Variants in SEC14L3 observed in about 807,000 individuals in gnomAD.
SEC14L3 encodes the protein SEC14-like protein 3.
A neutral mutation model predicts 57.4 loss-of-function variants in SEC14L3; 56 were observed. The observed-to-expected ratio is 0.97, with a 90% CI of 0.79 to 1.22. The LOEUF (loss-of-function observed/expected upper bound fraction) is 1.22. SEC14L3 is among the 50% of genes most tolerant of loss of function. The probability of loss-of-function intolerance (pLI) is 0.00; values close to 1 mark genes in which losing one functional copy is unlikely to be tolerated. For missense variants in SEC14L3, 485 were observed against 511.7 expected, an observed-to-expected ratio of 0.95 and a Z score of 0.50; for synonymous variants, 173 against 194.4, an observed-to-expected ratio of 0.89 and a Z score of 0.92.
chr22:30,466,286 C>G (rs1935412655), intron 7 of SEC14L3, 48 bp downstream of exon 7: 1 of 1,526,892 alleles, frequency 6.5e-7, no homozygotes, highest in South Asian at 1.1e-5. Context: ...CCTCAGCGTA[C>G]AGATGAGGAA....
chr22:30,467,311 G>A (rs905044526), intron 5 of SEC14L3, among the ~76,000 whole-genome samples: 11 of 133,030 alleles, frequency 8.3e-5, no homozygotes, highest in Middle Eastern at 3.6e-3. Flanking sequence ...ACCCACCCCC[G>A]TATATATCAA....
chr22:30,455,035 A>G (rs1265257008), downstream of SEC14L3, among the ~76,000 whole-genome samples: 19 of 79,796 alleles, frequency 2.4e-4, no homozygotes, highest in African/African-American at 9.6e-4. Context: ...AATATATTAT[A>G]TTATATAATA....
At chr22:30,471,746 C>G (rs1361481292) in intron 1 of SEC14L3, among the ~76,000 whole-genome samples, 159 bp downstream of exon 1, 1 of 152,246 alleles carries the variant, frequency 6.6e-6, no homozygotes, top group Non-Finnish European at 1.5e-5. Flanking sequence ...GTTGATGTTA[C>G]TGGGCACCGT....
intron 12 of SEC14L3, among the ~76,000 whole-genome samples, chr22:30,450,523 G>A (rs2146080333): frequency 6.6e-6 from 1 of 152,170 alleles, no homozygotes; most frequent in East Asian, 1.9e-4. Flanking sequence ...GGCTAGTCTC[G>A]AACTCCTGAC....
intron 12 of SEC14L3, among the ~76,000 whole-genome samples, chr22:30,451,629 T>C (rs993013245): frequency 2.0e-5 from 3 of 152,038 alleles, no homozygotes; most frequent in Admixed American, 1.3e-4. Context: ...GTTTGCAGGA[T>C]AGCAGATAAG....
chr22:30,465,533 T>C (rs1343332555), intron 7 of SEC14L3, among the ~76,000 whole-genome samples: 1 of 150,966 alleles, frequency 6.6e-6, no homozygotes, highest in Non-Finnish European at 1.5e-5. Context: ...CAGCCAACCA[T>C]CCAAATAACC....
intron 1 of SEC14L3, 63 bp downstream of exon 1, chr22:30,471,842 T>C: frequency 6.2e-7 from 1 of 1,610,038 alleles, no homozygotes; most frequent in Non-Finnish European, 8.5e-7. Context: ...TTCCAGCCAC[T>C]TCTTTCCACC....
At chr22:30,466,956 G>A (rs1935435348) in intron 6 of SEC14L3, 26 bp downstream of exon 6, 6 of 1,599,582 alleles carry the variant, frequency 3.8e-6, no homozygotes, top group Non-Finnish European at 5.1e-6. Flanking sequence ...AAGCAAGCGG[G>A]GGGTGGCCCT....
downstream of SEC14L3, among the ~76,000 whole-genome samples, chr22:30,454,843 A>T (rs1378692724): frequency 3.3e-5 from 2 of 60,596 alleles, no homozygotes; most frequent in Admixed American, 3.1e-4. Context: ...ATAATAATAT[A>T]TAATATATTA....
At chr22:30,457,186 G>A (rs980821848), downstream of SEC14L3, among the ~76,000 whole-genome samples, 3 of 151,992 alleles carry the variant, frequency 2.0e-5, no homozygotes, top group African/African-American at 7.3e-5. Flanking sequence ...AGGATTCCAT[G>A]ACATCATTGG....
At chr22:30,450,883 G>C (rs1457845498) in intron 12 of SEC14L3, among the ~76,000 whole-genome samples, 4 of 152,238 alleles carry the variant, frequency 2.6e-5, no homozygotes, top group Admixed American at 2.0e-4. Context: ...CCAAGGAAAG[G>C]AAGGTCCAGA....
chr22:30,453,759 T>C (rs1366308364), intron 12 of SEC14L3, among the ~76,000 whole-genome samples: 1 of 152,130 alleles, frequency 6.6e-6, no homozygotes, highest in Non-Finnish European at 1.5e-5. Context: ...GGGAAGTTAA[T>C]GGCCGTGGAA....
At chr22:30,471,768 C>A (rs1479711410) in intron 1 of SEC14L3, 137 bp downstream of exon 1, 3 of 1,300,584 alleles carry the variant, frequency 2.3e-6, no homozygotes, top group Non-Finnish European at 3.3e-6. Context: ...GGGCTTGACC[C>A]TTTGGGAGGT....
rs375254496 is a variant in SEC14L3 at position 30,470,277 on chromosome 22, G to A, written c.131-22C>T. 5.0e-5 allele frequency: 80 copies of A among 1,611,046 alleles called. No individual in the cohort carries two copies. The African/African-American group carries it at 1.0e-3, about 20-fold the overall frequency. On this transcript the variant is annotated intron_variant, in intron 2 of 11. Transcript: ENST00000215812. ...CGAGCTGTGGGAAAACAGAAGGAAG[G>A]TGTGAGACAGGAAAGATGCCTTGTC...
downstream of SEC14L3, among the ~76,000 whole-genome samples, chr22:30,454,939 ATATATTATTATATAT>A: frequency 5.7e-5 from 2 of 34,828 alleles, no homozygotes; most frequent in Non-Finnish European, 9.5e-5. Context: ...TAGATATATA[ATATATTATTATATAT>A]CATATAATAG....
intron 1 of SEC14L3, among the ~76,000 whole-genome samples, chr22:30,471,547 G>T (rs181069621): frequency 2.3e-4 from 35 of 152,300 alleles, no homozygotes; most frequent in African/African-American, 8.2e-4. Flanking sequence ...GGGTTAAAGG[G>T]CAGACCAGCA....
downstream of SEC14L3, among the ~76,000 whole-genome samples, chr22:30,456,980 G>T (rs1388786155): frequency 6.6e-6 from 1 of 152,190 alleles, no homozygotes; most frequent in East Asian, 1.9e-4. Flanking sequence ...CCACCTCCTG[G>T]TGCAAGTCCC....
chr22:30,460,810 AAG>A (rs1935229826), intron 11 of SEC14L3, among the ~76,000 whole-genome samples: 1 of 147,642 alleles, frequency 6.8e-6, no homozygotes, highest in Non-Finnish European at 1.5e-5. Context: ...CCTGGACAAC[AAG>A]AGTGAAACTC....
Position 30,459,254 on chromosome 22 carries a change from T to C in SEC14L3, c.*767A>G. On this transcript the variant is annotated 3_prime_UTR_variant, in exon 12 of 12. Coordinates refer to ENST00000215812, the MANE Select transcript of SEC14L3 (RefSeq NM_174975.5). ...TGATAGTTGTTTTCTTTATTATGAT[T>C]ATGCCAGATGTGACTGCCTTTGCTT... 1 of 985,036 alleles carries C rather than the reference T, an allele frequency of 1.0e-6. No individual in the cohort carries two copies. Among genetic ancestry groups the C allele is most frequent in the Non-Finnish European group, 1.2e-6 (1 of 829,584 alleles). The allele number at this position is 985,036 out of a possible 1,614,324, so 61.0% of individuals were successfully genotyped here.
Sources: allele counts gnomAD v4.1 joint callset (sites outside exome capture counted in the v4.1 genomes callset), GRCh38; gene constraint gnomAD v4.1.1; transcripts MANE v1.5; gene names NCBI Gene and HGNC (gene_info 2026-07-23, HGNC 2026-07-21).